Variants in DNAH5 observed in about 807,000 individuals in gnomAD.
DNAH5 encodes the protein axonemal beta dynein heavy chain 5.
A neutral mutation model predicts 518.2 loss-of-function variants in DNAH5; 372 were observed. The ratio of observed to expected loss-of-function variants is 0.72; its 90% CI spans 0.66 to 0.78. DNAH5 has a LOEUF of 0.78. DNAH5 is among the 30% of genes least tolerant of loss of function. The pLI, the probability that DNAH5 is intolerant of heterozygous loss-of-function variation, is 0.00. For synonymous variants in DNAH5, 2,039 were observed against 2,025.9 expected (o/e 1.01, Z -0.17); for missense variants, 5,523 against 5,687.0 (o/e 0.97, Z 0.93).
chr5:13,726,546 G>C (rs1369181424), intron 70 of DNAH5, among the ~76,000 whole-genome samples: 1 of 152,202 alleles, frequency 6.6e-6, no homozygotes, highest in Non-Finnish European at 1.5e-5. Flanking sequence ...TTTCCACACT[G>C]TCCTTAAATA....
intron 1 of DNAH5, among the ~76,000 whole-genome samples, chr5:13,979,060 C>T (rs952727295): frequency 3.3e-5 from 5 of 152,120 alleles, no homozygotes; most frequent in African/African-American, 9.7e-5. Flanking sequence ...TACACAGACA[C>T]CCTAGTTCCT....
At chr5:13,720,855 T>G in intron 71 of DNAH5, 145 bp downstream of exon 71, 1 of 1,152,186 alleles carries the variant, frequency 8.7e-7, no homozygotes, top group Non-Finnish European at 1.2e-6. Context: ...AATGTTAGCT[T>G]AAATTTAAAA....
At chr5:13,988,739 T>TTTTTTTTTTTTTTTA (rs57485156) in intron 1 of DNAH5, among the ~76,000 whole-genome samples, 2 of 149,416 alleles carry the variant, frequency 1.3e-5, no homozygotes, top group African/African-American at 2.5e-5. Context: ...TTTTTTTTTT[T>TTTTTTTTTTTTTTTA]GAGACAGAGT....
At chr5:13,938,684 A>G (rs1190304796) in intron 1 of DNAH5, among the ~76,000 whole-genome samples, 2 of 152,104 alleles carry the variant, frequency 1.3e-5, no homozygotes, top group Non-Finnish European at 2.9e-5. Flanking sequence ...ATAAGACAGA[A>G]CTACTACATG....
intron 61 of DNAH5, among the ~76,000 whole-genome samples, chr5:13,757,194 C>T (rs563215695): frequency 4.6e-5 from 7 of 152,178 alleles, no homozygotes; most frequent in Admixed American, 2.0e-4. Flanking sequence ...TATAACAGAA[C>T]GATTTATATT....
intron 70 of DNAH5, among the ~76,000 whole-genome samples, chr5:13,724,627 G>T (rs1299909948): frequency 1.3e-5 from 2 of 152,220 alleles, no homozygotes; most frequent in African/African-American, 2.4e-5. Context: ...ATGTTGAAAT[G>T]TAATCCCCAG....
intron 24 of DNAH5, 94 bp downstream of exon 24, chr5:13,870,672 AT>A: frequency 8.9e-7 from 1 of 1,124,858 alleles, no homozygotes; most frequent in South Asian, 1.3e-5. Context: ...TTTAGTAACC[AT>A]TTAGTAACTT....
chr5:13,736,958 T>C (rs1747565871), intron 66 of DNAH5, among the ~76,000 whole-genome samples: 1 of 152,232 alleles, frequency 6.6e-6, no homozygotes. Context: ...CCCTAATTTG[T>C]AGTCATCAGA....
At chr5:13,716,073 T>C (rs566339368) in intron 74 of DNAH5, among the ~76,000 whole-genome samples, 9 of 152,206 alleles carry the variant, frequency 5.9e-5, no homozygotes, top group African/African-American at 9.6e-5. Context: ...ACAGATGTCA[T>C]GGGATTTGTC....
At chr5:13,724,269 T>C (rs528868273) in intron 70 of DNAH5, among the ~76,000 whole-genome samples, 83 of 152,280 alleles carry the variant, frequency 5.5e-4, no homozygotes, top group African/African-American at 1.9e-3. Context: ...GGAAATTATT[T>C]TGGAGATTCA....
At chr5:13,873,991 G>C (rs546112386) in intron 22 of DNAH5, among the ~76,000 whole-genome samples, 8 of 152,248 alleles carry the variant, frequency 5.3e-5, no homozygotes, top group Non-Finnish European at 1.0e-4. Context: ...ATTGCACCAA[G>C]CTGCACCAAA....
rs1027787857 is a variant in DNAH5, at chr5:13,901,913, A to G, written c.1730+140T>C. 6 of 665,368 alleles carry G rather than the reference A, an allele frequency of 9.0e-6. No individual in the cohort carries two copies. The African/African-American group carries it at 1.1e-4, about 12-fold the overall frequency. 41.2% of individuals were successfully genotyped at this position (665,368 alleles called of 1,614,324 possible). On this transcript the variant is annotated intron_variant, in intron 13 of 78. Coordinates refer to ENST00000265104, the MANE Select transcript of DNAH5 (RefSeq NM_001369.3). ...AAGGATTAATCCTCTGAAAAACTTA[A>G]AAACTATGACCTTGTGACCCAAATT...
At chr5:13,722,854 C>T (rs1047561051) in intron 70 of DNAH5, among the ~76,000 whole-genome samples, 2 of 152,202 alleles carry the variant, frequency 1.3e-5, no homozygotes, top group East Asian at 1.9e-4. Context: ...TTGTAGAATA[C>T]ACAGGATTTC....
intron 16 of DNAH5, 131 bp from the exon 17 acceptor site, chr5:13,891,252 T>C: frequency 1.1e-6 from 1 of 908,188 alleles, no homozygotes; most frequent in South Asian, 1.5e-5. Flanking sequence ...GTTCCCCAGA[T>C]CCCCACTGAT....
At chr5:13,946,070 C>T (rs1358778532), upstream of DNAH5, among the ~76,000 whole-genome samples, 2 of 152,182 alleles carry the variant, frequency 1.3e-5, no homozygotes, top group Admixed American at 6.5e-5. Context: ...CATGGCATCT[C>T]CTATCCATCC....
intron 35 of DNAH5, among the ~76,000 whole-genome samples, chr5:13,832,396 C>T (rs1013492028): frequency 4.6e-5 from 7 of 152,238 alleles, no homozygotes; most frequent in South Asian, 2.1e-4. Context: ...CACTGCTACA[C>T]TGGTGCCCAA....
At chr5:13,821,429 A>G (rs1194722474) in intron 40 of DNAH5, among the ~76,000 whole-genome samples, 4 of 152,224 alleles carry the variant, frequency 2.6e-5, no homozygotes, top group Non-Finnish European at 5.9e-5. Flanking sequence ...TATTATTCTA[A>G]GATCAATCTT....
chr5:13,947,271 A>G (rs1581012033), upstream of DNAH5, among the ~76,000 whole-genome samples: 1 of 152,300 alleles, frequency 6.6e-6, no homozygotes, highest in Non-Finnish European at 1.5e-5. Context: ...TTCTAAACTC[A>G]TCTCTAAATT....
In DNAH5 at chr5:13,730,186, C is replaced by G. The variant is rs1429130569; in HGVS notation, c.11762-626G>C. On this transcript the variant is annotated intron_variant, in intron 68 of 78. Coordinates refer to ENST00000265104, the MANE Select transcript of DNAH5 (RefSeq NM_001369.3). The stretch of plus-strand genomic sequence containing the variant: ...CAAACATTTCCATTTGGTACTGACC[C>G]TTATCTTTTTACTGATGATTTACCA... Among the ~76,000 whole-genome samples the G allele has an allele frequency of 3.3e-5, 5 of 152,136 alleles. No individual in the cohort carries two copies. In the East Asian group the frequency reaches 9.7e-4, roughly 29 times the overall value.
Sources: gnomAD v4.1 joint callset for allele counts (sites outside exome capture counted in the v4.1 genomes callset) on GRCh38, gnomAD v4.1.1 for gene constraint, MANE v1.5 for transcripts, NCBI Gene and HGNC (gene_info 2026-07-23, HGNC 2026-07-21) for gene names.